Variants in CFAP299 observed in about 807,000 individuals in gnomAD.
CFAP299 encodes the protein cilia and flagella associated protein 299.
CFAP299 carries 21 observed loss-of-function variants against 27.0 expected under a neutral mutation model. That is an observed-to-expected ratio of 0.78 (90% CI 0.55 to 1.12). CFAP299 has a LOEUF of 1.12. CFAP299 is among the 50% of genes most tolerant of loss of function. The pLI is 0.00. For missense variants in CFAP299, 310 were observed against 276.6 expected (o/e 1.12, Z -0.86); for synonymous variants, 104 against 98.1 (o/e 1.06, Z -0.36).
chr4:80,588,615 C>T (rs1452634760), intron 3 of CFAP299, among the ~76,000 whole-genome samples: 1 of 150,688 alleles, frequency 6.6e-6, no homozygotes, highest in Non-Finnish European at 1.5e-5. Context: ...AAAAATTTTA[C>T]ATGTGTAATA....
intron 1 of CFAP299, among the ~76,000 whole-genome samples, chr4:80,353,079 A>G (rs971024019): frequency 3.3e-5 from 5 of 152,208 alleles, no homozygotes; most frequent in Non-Finnish European, 7.3e-5. Context: ...TCAGTGAAGT[A>G]GAAAATTGAA....
intron 1 of CFAP299, among the ~76,000 whole-genome samples, chr4:80,348,071 G>A (rs561990606): frequency 5.3e-5 from 8 of 152,330 alleles, no homozygotes; most frequent in Middle Eastern, 3.4e-3. Flanking sequence ...AATAAATGGC[G>A]TTGGGAGAAC....
At chr4:80,955,016 AAAAAAAAAAAAAAAAAAAC>A (rs1197047280) in intron 5 of CFAP299, among the ~76,000 whole-genome samples, 4 of 139,828 alleles carry the variant, frequency 2.9e-5, no homozygotes, top group African/African-American at 8.1e-5. Context: ...AAAAAAAAAA[AAAAAAAAAAAAAAAAAAAC>A]GCACACATGG....
At chr4:80,733,833 T>C (rs528106144) in intron 3 of CFAP299, among the ~76,000 whole-genome samples, 17 of 152,264 alleles carry the variant, frequency 1.1e-4, no homozygotes, top group Non-Finnish European at 2.4e-4. Flanking sequence ...CTCCATTGTG[T>C]ATAAGTACTA....
rs994968448 is a variant in CFAP299 at position 80,831,504 on chromosome 4, T to C, written c.334-38489T>C. 2.0e-5 allele frequency among the ~76,000 whole-genome samples: 3 copies of C among 152,052 alleles called. No individual in the cohort carries two copies. In the East Asian group the frequency reaches 5.8e-4, roughly 29 times the overall value. On this transcript the variant is annotated intron_variant, in intron 3 of 5. Coordinates refer to ENST00000358105, the MANE Select transcript of CFAP299 (RefSeq NM_152770.3). ...CATTATATTCAGTTTATGGCAGTGT[T>C]TCTCACAATAGGAGGGTAGAACTAG...
At chr4:80,637,213 A>C in intron 3 of CFAP299, among the ~76,000 whole-genome samples, 1 of 152,190 alleles carries the variant, frequency 6.6e-6, no homozygotes, top group Middle Eastern at 3.2e-3. Flanking sequence ...TCTATAAAAG[A>C]GGTATGGTTA....
At chr4:80,672,054 G>T (rs1382352372) in intron 3 of CFAP299, among the ~76,000 whole-genome samples, 1 of 152,160 alleles carries the variant, frequency 6.6e-6, no homozygotes, top group Non-Finnish European at 1.5e-5. Flanking sequence ...AATAGGAGTG[G>T]TGAGAGAGGG....
chr4:80,373,267 C>G (rs993564690), intron 2 of CFAP299, among the ~76,000 whole-genome samples: 3 of 151,982 alleles, frequency 2.0e-5, no homozygotes, highest in Non-Finnish European at 2.9e-5. Context: ...CTTTGGATCT[C>G]TAGATACCAG....
chr4:80,564,616 C>A (rs1324657412), intron 2 of CFAP299, among the ~76,000 whole-genome samples: 1 of 151,878 alleles, frequency 6.6e-6, no homozygotes, highest in East Asian at 1.9e-4. Flanking sequence ...TGGAATGTGA[C>A]AAGAATGCAC....
chr4:80,531,759 T>G lies in CFAP299; in HGVS notation c.243-51334T>G, dbSNP rs542323535. On this transcript the variant is annotated intron_variant, in intron 2 of 5. Coordinates refer to ENST00000358105, the MANE Select transcript of CFAP299 (RefSeq NM_152770.3). ...TGATAAGATAGAAGTTTTTTTTTTT[T>G]TTTTTTTTTTTGAGATGGAGTTTCA... Among the ~76,000 whole-genome samples, 955 of 127,524 alleles carry G rather than the reference T, an allele frequency of 7.5e-3. 6 individuals carry two copies. Among genetic ancestry groups the G allele is most frequent in the African/African-American group, 0.028 (900 of 32,462 alleles). The allele number at this position is 127,524 out of a possible 152,430, so 83.7% of individuals were successfully genotyped here.
At chr4:80,345,370 AC>A (rs1722675874) in intron 1 of CFAP299, among the ~76,000 whole-genome samples, 1 of 151,880 alleles carries the variant, frequency 6.6e-6, no homozygotes, top group Non-Finnish European at 1.5e-5. Flanking sequence ...GGTGTGCTGC[AC>A]CCATTAACTA....
chr4:80,514,389 T>C (rs1732473890), intron 2 of CFAP299, among the ~76,000 whole-genome samples: 1 of 152,072 alleles, frequency 6.6e-6, no homozygotes, highest in African/African-American at 2.4e-5. Context: ...TACAGTAAAC[T>C]TTAAATGTCC....
At chr4:80,626,564 A>T (rs575271297) in intron 3 of CFAP299, among the ~76,000 whole-genome samples, 1 of 151,898 alleles carries the variant, frequency 6.6e-6, no homozygotes, top group African/African-American at 2.4e-5. Flanking sequence ...AGAGCCTGGA[A>T]AAATAATAGA....
At chr4:80,632,895 G>T (rs1246959801) in intron 3 of CFAP299, among the ~76,000 whole-genome samples, 1 of 151,992 alleles carries the variant, frequency 6.6e-6, no homozygotes, top group Non-Finnish European at 1.5e-5. Flanking sequence ...TCTATAATAT[G>T]AATAATGTAT....
At chr4:80,349,013 A>G (rs1200080972) in intron 1 of CFAP299, among the ~76,000 whole-genome samples, 1 of 152,184 alleles carries the variant, frequency 6.6e-6, no homozygotes, top group East Asian at 1.9e-4. Flanking sequence ...CTGGTCCTGG[A>G]GCCTGAAGTC....
rs187442265 is a variant in CFAP299, at chr4:80,428,076, C to G, written c.242+65192C>G. On this transcript the variant is annotated intron_variant, in intron 2 of 5. Transcript: ENST00000358105. ...GCTAGACAGCAAGCCACTGCAGAAACTAGTGGCTCAATAAAAACAGAACTC... is the reference window on the plus strand; with the variant it reads ...GCTAGACAGCAAGCCACTGCAGAAAGTAGTGGCTCAATAAAAACAGAACTC... 4.6e-5 allele frequency among the ~76,000 whole-genome samples: 7 copies of G among 152,290 alleles called. No homozygotes were observed. The East Asian group carries it at 1.4e-3, about 29-fold the overall frequency.
intron 3 of CFAP299, among the ~76,000 whole-genome samples, chr4:80,689,691 A>C (rs945873590): frequency 3.4e-4 from 52 of 152,182 alleles, no homozygotes; most frequent in African/African-American, 1.2e-3. Context: ...CACACATAAC[A>C]ATATTAACTT....
intron 2 of CFAP299, among the ~76,000 whole-genome samples, chr4:80,479,688 G>T (rs1578492842): frequency 1.3e-5 from 2 of 151,802 alleles, no homozygotes; most frequent in Admixed American, 1.3e-4. Context: ...TCCATTAATT[G>T]GATTCACACT....
chr4:80,889,905 C>G (rs924592786), intron 4 of CFAP299, among the ~76,000 whole-genome samples: 9 of 152,020 alleles, frequency 5.9e-5, no homozygotes, highest in South Asian at 2.1e-4. Flanking sequence ...GCTGAGAAAG[C>G]ATTTGATAAA....
Sources: gnomAD v4.1 joint callset for allele counts (sites outside exome capture counted in the v4.1 genomes callset) on GRCh38, gnomAD v4.1.1 for gene constraint, MANE v1.5 for transcripts, NCBI Gene and HGNC (gene_info 2026-07-23, HGNC 2026-07-21) for gene names.